The following KLHL26 variants were observed in gnomAD, a reference collection of about 807,000 sequenced individuals.
KLHL26 encodes kelch like family member 26, also known as kelch-like protein 26.
In KLHL26, 4 loss-of-function variants were observed where a neutral mutation model predicts 7.1. That is an observed-to-expected ratio of 0.56 (90% CI 0.28 to 1.28). The LOEUF (loss-of-function observed/expected upper bound fraction) is 1.28. Among genes scored for constraint, KLHL26 ranks in the 50% most tolerant of loss-of-function variants. The pLI is 0.11. For synonymous variants in KLHL26, 465 were observed against 414.1 expected (o/e 1.12, Z -1.49); for missense variants, 896 against 924.6 (o/e 0.97, Z 0.40).
intron 1 of KLHL26, among the ~76,000 whole-genome samples, 188 bp downstream of exon 1, chr19:18,637,325 G>C (rs1343679589): frequency 1.3e-5 from 2 of 152,138 alleles, no homozygotes; most frequent in African/African-American, 2.4e-5. Flanking sequence ...GTGGCTGGAG[G>C]GGGGCTGGGT....
Position 18,649,254 on chromosome 19 carries a change from T to G in KLHL26, c.83+12117T>G, listed in dbSNP as rs1275864937. Among the ~76,000 whole-genome samples the G allele has an allele frequency of 6.6e-6, 1 of 152,192 alleles. No individual in the cohort carries two copies. The highest frequency in any genetic ancestry group is 1.5e-5 in the Non-Finnish European group (1 of 68,038). On this transcript the variant is annotated intron_variant, in intron 1 of 2. Transcript: ENST00000300976. This position sits in a 1 kb window ranked among gnomAD's most constrained non-coding sequence, Gnocchi z 4.0. Reference sequence around the variant, plus strand: ...AGGGCTTTATCAGATCTTTTTACAGTGGTGGTCCTGGCGCTGGCACAGCTA... The same window carrying G: ...AGGGCTTTATCAGATCTTTTTACAGGGGTGGTCCTGGCGCTGGCACAGCTA...
intron 1 of KLHL26, among the ~76,000 whole-genome samples, chr19:18,638,457 G>A (rs542012418): frequency 6.6e-5 from 10 of 152,324 alleles, no homozygotes; most frequent in Admixed American, 3.9e-4. Flanking sequence ...AGGGGCCATG[G>A]GGAACCCAGG....
intron 1 of KLHL26, among the ~76,000 whole-genome samples, chr19:18,647,455 A>G (rs894611944): frequency 4.0e-5 from 6 of 151,130 alleles, no homozygotes; most frequent in African/African-American, 1.5e-4. Flanking sequence ...CCTTTTTCTG[A>G]TATTTGTGTG....
At chr19:18,647,249 G>C (rs1289822208) in intron 1 of KLHL26, among the ~76,000 whole-genome samples, 1 of 152,204 alleles carries the variant, frequency 6.6e-6, no homozygotes, top group Non-Finnish European at 1.5e-5. Context: ...TGACCCCCGG[G>C]ACGGCCTCCT....
At position 18,667,650 on chromosome 19, in the gene KLHL26, T is replaced by C. The variant is rs751292478; in HGVS notation, c.267-14T>C. On this transcript the variant is annotated splice_polypyrimidine_tract_variant and intron_variant, in intron 2 of 2. Coordinates refer to ENST00000300976, the MANE Select transcript of KLHL26 (RefSeq NM_018316.3). Reference sequence around the variant, plus strand: ...CAGCCACTGCCAGCCACACGTTGTGTTTCTGCCCTTCAGGGCCATGTTCAC... The same window carrying C: ...CAGCCACTGCCAGCCACACGTTGTGCTTCTGCCCTTCAGGGCCATGTTCAC... 3 of 1,602,146 alleles carry C rather than the reference T, an allele frequency of 1.9e-6. No homozygotes were observed. In the South Asian group the frequency reaches 3.4e-5, roughly 18 times the overall value.
intron 1 of KLHL26, among the ~76,000 whole-genome samples, chr19:18,654,682 T>A (rs2052310995): frequency 6.6e-6 from 1 of 151,114 alleles, no homozygotes; most frequent in Non-Finnish European, 1.5e-5. Flanking sequence ...CCTATCCATC[T>A]ACCCACCCAT....
intron 1 of KLHL26, among the ~76,000 whole-genome samples, chr19:18,645,844 C>T (rs1281117307): frequency 1.3e-5 from 2 of 150,850 alleles, no homozygotes; most frequent in Admixed American, 1.3e-4. Context: ...ATGGCTGGGA[C>T]GTTGTGCCCA....
At chr19:18,640,782 G>A (rs28793742) in intron 1 of KLHL26, among the ~76,000 whole-genome samples, 15,691 of 146,056 alleles carry the variant, frequency 0.11, 952 homozygotes, top group African/African-American at 0.18. Flanking sequence ...CAGGGGATCC[G>A]CCTGCTTCGG....
chr19:18,650,833 C>T lies in KLHL26; in HGVS notation c.84-13428C>T, dbSNP rs539047958. Among the ~76,000 whole-genome samples the T allele has an allele frequency of 2.0e-5, 3 of 152,218 alleles. No individual in the cohort carries two copies. The highest frequency in any genetic ancestry group is 4.8e-5 in the African/African-American group (2 of 41,554). On this transcript the variant is annotated intron_variant, in intron 1 of 2. Transcript: ENST00000300976. This position sits in a 1 kb window ranked among gnomAD's most constrained non-coding sequence, Gnocchi z 4.2. ...GTCTCGTCACAGACAGGCGGGGCTGCGGCTGGGGATGGCCGCCGCCCACTC... is the reference window on the plus strand; with the variant it reads ...GTCTCGTCACAGACAGGCGGGGCTGTGGCTGGGGATGGCCGCCGCCCACTC...
chr19:18,654,341 A>C (rs180795005), intron 1 of KLHL26, among the ~76,000 whole-genome samples: 2 of 130,230 alleles, frequency 1.5e-5, no homozygotes, highest in Non-Finnish European at 3.3e-5. Context: ...CCACCAATCC[A>C]CTCATCCACC....
intron 1 of KLHL26, among the ~76,000 whole-genome samples, chr19:18,647,105 G>A (rs1976816810): frequency 6.6e-6 from 1 of 152,208 alleles, no homozygotes; most frequent in South Asian, 2.1e-4. Flanking sequence ...CTCTGGGAAG[G>A]AGGCCACCCT....
intron 1 of KLHL26, among the ~76,000 whole-genome samples, chr19:18,642,724 G>C (rs1976736817): frequency 1.3e-5 from 2 of 151,836 alleles, no homozygotes; most frequent in African/African-American, 4.8e-5. Context: ...TGTCGCCCAT[G>C]CTGGCATGCA....
rs1373394405 is a variant in KLHL26, at chr19:18,637,032, G to C, written c.-23G>C. 8.4e-6 allele frequency: 11 copies of C among 1,307,208 alleles called. No homozygotes were observed. The highest frequency in any genetic ancestry group is 9.9e-6 in the Non-Finnish European group (10 of 1,015,180). The allele number at this position is 1,307,208 out of a possible 1,614,324, so 81.0% of individuals were successfully genotyped here. On this transcript the variant is annotated 5_prime_UTR_variant, in exon 1 of 3. Transcript: ENST00000300976. ...CCTGCGCGCGCGGCTCCCGTCACTC[G>C]AACGCGCGACGGCGGGGGGAAGATG...
chr19:18,637,289 T>C lies in KLHL26; in HGVS notation c.83+152T>C, dbSNP rs533015815. On this transcript the variant is annotated intron_variant, in intron 1 of 2. Transcript: ENST00000300976. Reference sequence around the variant, plus strand: ...TGGACTTTACGGGGCCGTGGGGTACTGGAGGAGCCGAGGGCTACTGAGGGG... The same window carrying C: ...TGGACTTTACGGGGCCGTGGGGTACCGGAGGAGCCGAGGGCTACTGAGGGG... 4.9e-6 allele frequency: 4 copies of C among 819,046 alleles called. No homozygotes were observed. In the African/African-American group the frequency reaches 5.4e-5, roughly 11 times the overall value. The allele number at this position is 819,046 out of a possible 1,614,324, so 50.7% of individuals were successfully genotyped here.
intron 1 of KLHL26, among the ~76,000 whole-genome samples, chr19:18,639,566 T>C (rs930130278): frequency 2.6e-5 from 4 of 151,726 alleles, no homozygotes; most frequent in Non-Finnish European, 5.9e-5. Flanking sequence ...CATGCTACCA[T>C]GCCCAGCTAA....
At chr19:18,662,317 A>G (rs1254668285) in intron 1 of KLHL26, among the ~76,000 whole-genome samples, 2 of 152,186 alleles carry the variant, frequency 1.3e-5, no homozygotes, top group Non-Finnish European at 2.9e-5. Context: ...CTGGGAGACA[A>G]AGTGTCCACA....
Position 18,669,291 on chromosome 19 carries a change from A to G in KLHL26, c.*46A>G, listed in dbSNP as rs764400559. 27 of 1,500,416 alleles carry G rather than the reference A, an allele frequency of 1.8e-5. No individual in the cohort carries two copies. The Admixed American group carries it at 4.9e-4, about 27-fold the overall frequency. 92.9% of individuals were successfully genotyped at this position (1,500,416 alleles called of 1,614,324 possible). ...CTGGCCTGACCGCATGTTGTCTCCA[A>G]GTGGGGCTTGGCGAATGCACGTCTG... On this transcript the variant is annotated 3_prime_UTR_variant, in exon 3 of 3. Coordinates refer to ENST00000300976, the MANE Select transcript of KLHL26 (RefSeq NM_018316.3).
At position 18,667,833 on chromosome 19, in the gene KLHL26, C is replaced by T. The variant is rs772109012; in HGVS notation, c.436C>T (p.Leu146=). 2 of 1,613,176 alleles carry T rather than the reference C, an allele frequency of 1.2e-6. No homozygotes were observed. Among genetic ancestry groups the T allele is most frequent in the African/African-American group, 1.3e-5 (1 of 74,942 alleles). ...GGGCGCGGCCGTGTTCTTGCAGATG[C>T]TGCCCGTGGTGGAGCTGTGCGAGGA... The part of the protein sequence containing the change: ...VLGAAVFLQM[L]PVVELCEEFL... Residue 146 remains leucine (L), a synonymous_variant, in exon 3 of 3, where the codon CTG becomes TTG. Transcript: ENST00000300976.
chr19:18,669,188 C>T lies in KLHL26; in HGVS notation c.1791C>T (p.Ser597=). The change falls in exon 3 of 3, where the codon TCC becomes TCT. Residue 597 remains serine, a synonymous_variant. Coordinates refer to ENST00000300976, the MANE Select transcript of KLHL26 (RefSeq NM_018316.3). ...EWERDLHFPE[S]FAGIACAPVL... The stretch of plus-strand genomic sequence containing the variant: ...AGCGGGACCTGCACTTCCCGGAGTC[C>T]TTCGCAGGCATAGCCTGCGCCCCCG... The T allele has an allele frequency of 1.2e-6, 2 of 1,612,560 alleles. No individual in the cohort carries two copies. The highest frequency in any genetic ancestry group is 8.5e-7 in the Non-Finnish European group (1 of 1,179,970).
Sources: gnomAD v4.1 joint callset for allele counts (sites outside exome capture counted in the v4.1 genomes callset) on GRCh38, gnomAD v4.1.1 for gene constraint, Gnocchi (gnomAD v3.1) non-coding constraint, MANE v1.5 for transcripts, NCBI Gene and HGNC (gene_info 2026-07-23, HGNC 2026-07-21) for gene names.